Variants in ERBB4 observed in about 807,000 individuals in gnomAD.
ERBB4 encodes receptor tyrosine-protein kinase erbB-4.
ERBB4 carries 42 observed loss-of-function variants against 158.0 expected under a neutral mutation model. The ratio of observed to expected loss-of-function variants is 0.27; its 90% CI spans 0.21 to 0.34. The LOEUF (loss-of-function observed/expected upper bound fraction) is 0.34. Among genes scored for constraint, ERBB4 ranks in the 10% least tolerant of loss-of-function variants. The pLI is 1.00. For synonymous variants in ERBB4, 583 were observed against 558.7 expected (o/e 1.04, Z -0.61); for missense variants, 1,333 against 1,624.1 (o/e 0.82, Z 3.08).
intron 1 of ERBB4, among the ~76,000 whole-genome samples, chr2:212,239,727 T>C (rs931957989): frequency 6.6e-6 from 1 of 152,210 alleles, no homozygotes. Flanking sequence ...GAGGTTTTTG[T>C]AATGATAATG....
chr2:212,093,066 G>A (rs2078827143), intron 2 of ERBB4, among the ~76,000 whole-genome samples: 2 of 152,166 alleles, frequency 1.3e-5, no homozygotes, highest in African/African-American at 2.4e-5. Context: ...CAAATGTGGA[G>A]CTAGATGGCC....
chr2:211,726,824 T>C (rs1250085242), intron 5 of ERBB4, among the ~76,000 whole-genome samples: 2 of 152,122 alleles, frequency 1.3e-5, no homozygotes, highest in Non-Finnish European at 2.9e-5. Flanking sequence ...ATCCCCGTAC[T>C]AAAGGATTAA....
intron 2 of ERBB4, among the ~76,000 whole-genome samples, chr2:212,101,179 G>T (rs2079070216): frequency 6.6e-6 from 1 of 151,690 alleles, no homozygotes; most frequent in South Asian, 2.1e-4. Context: ...GAGCAGAAAT[G>T]ATATGTATAT....
chr2:212,152,504 T>C (rs972654662), intron 1 of ERBB4, among the ~76,000 whole-genome samples: 7 of 152,282 alleles, frequency 4.6e-5, no homozygotes, highest in Admixed American at 6.5e-5. Flanking sequence ...TCTTTGCGAC[T>C]CTACCATAGT....
At chr2:212,003,179 AAG>A (rs763880002) in intron 2 of ERBB4, among the ~76,000 whole-genome samples, 2 of 53,556 alleles carry the variant, frequency 3.7e-5, no homozygotes, top group African/African-American at 9.5e-5. Flanking sequence ...GAAAGAAAGA[AAG>A]AAAGAAAGAA....
chr2:211,665,983 A>G (rs1474083219), intron 14 of ERBB4, among the ~76,000 whole-genome samples: 1 of 152,266 alleles, frequency 6.6e-6, no homozygotes, highest in Non-Finnish European at 1.5e-5. Flanking sequence ...GAAAAGGGAT[A>G]TAATAGAAAT....
intron 3 of ERBB4, among the ~76,000 whole-genome samples, chr2:211,900,801 C>T (rs931791941): frequency 6.6e-6 from 1 of 152,066 alleles, no homozygotes; most frequent in African/African-American, 2.4e-5. Flanking sequence ...GGCAATGCCT[C>T]CTTTCAGAAA....
intron 1 of ERBB4, among the ~76,000 whole-genome samples, chr2:212,483,717 A>G (rs1426370443): frequency 6.6e-6 from 1 of 152,066 alleles, no homozygotes; most frequent in Non-Finnish European, 1.5e-5. Flanking sequence ...TAATTTCAAA[A>G]GCATAGAATC....
At chr2:212,522,592 A>G (rs1692233520) in intron 1 of ERBB4, among the ~76,000 whole-genome samples, 1 of 151,986 alleles carries the variant, frequency 6.6e-6, no homozygotes, top group South Asian at 2.1e-4. Context: ...GCATCTGGAC[A>G]GTAAGAAAAA....
At chr2:211,771,300 T>C (rs1475167310) in intron 4 of ERBB4, among the ~76,000 whole-genome samples, 1 of 148,080 alleles carries the variant, frequency 6.8e-6, no homozygotes, top group African/African-American at 2.5e-5. Flanking sequence ...GTCACCTTCA[T>C]GTAATATTTT....
At chr2:211,565,080 A>G (rs1418228650) in intron 19 of ERBB4, among the ~76,000 whole-genome samples, 2 of 152,198 alleles carry the variant, frequency 1.3e-5, no homozygotes, top group African/African-American at 4.8e-5. Flanking sequence ...CAATAGGTAC[A>G]ATGTATCTTG....
chr2:212,515,987 A>G (rs554138347), intron 1 of ERBB4, among the ~76,000 whole-genome samples: 8 of 152,194 alleles, frequency 5.3e-5, no homozygotes, highest in African/African-American at 1.9e-4. Context: ...CTGATTTCAT[A>G]TAATAATTCT....
At chr2:212,257,656 G>A (rs892685091) in intron 1 of ERBB4, among the ~76,000 whole-genome samples, 8 of 152,082 alleles carry the variant, frequency 5.3e-5, no homozygotes, top group African/African-American at 1.7e-4. Flanking sequence ...AACAATCATG[G>A]AATTGTTAAG....
chr2:212,113,229 C>T (rs536829608), intron 2 of ERBB4, among the ~76,000 whole-genome samples: 4 of 152,100 alleles, frequency 2.6e-5, no homozygotes, highest in Non-Finnish European at 5.9e-5. Context: ...AAAAGACATT[C>T]CATAGAGGAA....
chr2:211,433,591 T>C (rs899391233), intron 20 of ERBB4, among the ~76,000 whole-genome samples: 3 of 144,808 alleles, frequency 2.1e-5, no homozygotes, highest in African/African-American at 7.9e-5. Flanking sequence ...AAAAATAAAA[T>C]AAAATAAAAA....
intron 2 of ERBB4, among the ~76,000 whole-genome samples, chr2:212,065,335 C>T (rs1456825540): frequency 6.6e-6 from 1 of 151,768 alleles, no homozygotes; most frequent in African/African-American, 2.4e-5. Flanking sequence ...AATCTTTGAC[C>T]ATATTAAGGT....
intron 3 of ERBB4, among the ~76,000 whole-genome samples, chr2:211,855,728 T>C (rs1032692311): frequency 2.0e-5 from 3 of 152,158 alleles, no homozygotes; most frequent in Admixed American, 6.5e-5. Flanking sequence ...TATCCAGTAG[T>C]TTTAGTCCCC....
At chr2:211,427,216 C>CT (rs60781653) in intron 22 of ERBB4, among the ~76,000 whole-genome samples, 6 of 151,176 alleles carry the variant, frequency 4.0e-5, no homozygotes, top group East Asian at 3.9e-4. Flanking sequence ...TGGTTTATAT[C>CT]TTTTTTTTTC....
chr2:212,172,134 T>C (rs6710322), intron 1 of ERBB4, among the ~76,000 whole-genome samples: 93,514 of 151,876 alleles, frequency 0.62, 29,939 homozygotes, highest in African/African-American at 0.69. Flanking sequence ...TCAAAAAAGA[T>C]ATACATGCAG....
Sources: gnomAD v4.1 joint callset for allele counts (sites outside exome capture counted in the v4.1 genomes callset) on GRCh38, gnomAD v4.1.1 for gene constraint, MANE v1.5 for transcripts, NCBI Gene and HGNC (gene_info 2026-07-23, HGNC 2026-07-21) for gene names.